The following LRP1B variants were observed in gnomAD, a reference collection of about 807,000 sequenced individuals.
The protein encoded by LRP1B is LDL receptor related protein 1B.
Under a neutral mutation model 556.6 loss-of-function variants are expected in LRP1B, and 217 were observed. The ratio of observed to expected loss-of-function variants is 0.39; its 90% confidence interval spans 0.35 to 0.44. LRP1B has a LOEUF of 0.44. LRP1B is among the 20% of genes least tolerant of loss of function. The pLI, the probability that LRP1B is intolerant of heterozygous loss-of-function variation, is 1.00. For missense variants in LRP1B, 5,053 were observed against 5,620.8 expected, an observed-to-expected ratio of 0.90 and a Z score of 3.23; for synonymous variants, 2,047 against 1,865.8, an observed-to-expected ratio of 1.10 and a Z score of -2.50.
intron 27 of LRP1B, among the ~76,000 whole-genome samples, chr2:140,863,596 GATTT>G (rs1692862695): frequency 6.6e-6 from 1 of 152,104 alleles, no homozygotes; most frequent in African/African-American, 2.4e-5. Context: ...TCTTGTCTCT[GATTT>G]ATTCTTTCCT....
At chr2:141,829,460 C>G (rs889363101) in intron 1 of LRP1B, among the ~76,000 whole-genome samples, 1 of 152,020 alleles carries the variant, frequency 6.6e-6, no homozygotes, top group African/African-American at 2.4e-5. Flanking sequence ...TTGTGTCTAG[C>G]AGCATATTTT....
chr2:140,350,860 T>A lies in LRP1B; in HGVS notation c.11829A>T (p.Pro3943=), dbSNP rs1328274023. 6.2e-7 allele frequency: 1 copy of A among 1,610,206 alleles called. No individual in the cohort carries two copies. Among genetic ancestry groups the A allele is most frequent in the Non-Finnish European group, 8.5e-7 (1 of 1,177,644 alleles). ...GGATCCTTTTGTAGAAAATTCCGCC[T>A]GGATTAAACTGAGTACTCCAAATAA... ...DMIIWSTQFN[P]GGIFYKRIHG... Residue 3943 remains proline, a synonymous_variant, in exon 77 of 91, where the codon CCA becomes CCT. Transcript: ENST00000389484.
chr2:142,106,750 T>G (rs995882467), intron 1 of LRP1B, among the ~76,000 whole-genome samples: 2 of 152,126 alleles, frequency 1.3e-5, no homozygotes, highest in African/African-American at 2.4e-5. Context: ...ATGATGACCT[T>G]GAAAAATCTG....
chr2:142,028,868 T>C (rs970709492), intron 1 of LRP1B, among the ~76,000 whole-genome samples: 6 of 151,968 alleles, frequency 3.9e-5, no homozygotes, highest in Admixed American at 6.6e-5. Flanking sequence ...AAAAGTGTAG[T>C]GGTATTTCAC....
chr2:141,183,816 A>C (rs1351325944), intron 7 of LRP1B, among the ~76,000 whole-genome samples: 2 of 152,040 alleles, frequency 1.3e-5, no homozygotes, highest in Non-Finnish European at 2.9e-5. Context: ...AAGTTCCCCA[A>C]AATATATTTT....
intron 1 of LRP1B, among the ~76,000 whole-genome samples, chr2:142,033,300 C>T (rs1703768930): frequency 6.6e-6 from 1 of 151,608 alleles, no homozygotes; most frequent in South Asian, 2.1e-4. Flanking sequence ...TGAATATTTT[C>T]CTGACTTTCC....
rs897548016 is a variant in LRP1B at position 141,142,997 on chromosome 2, C to T, written c.1013+45424G>A. Among the ~76,000 whole-genome samples, 6 of 141,838 alleles carry T rather than the reference C, an allele frequency of 4.2e-5. 1 individual carries two copies. The South Asian group carries it at 1.4e-3, about 32-fold the overall frequency. The allele number at this position is 141,838 out of a possible 152,430, so 93.1% of individuals were successfully genotyped here. A position where few individuals can be genotyped will look rare whatever the true frequency, so the allele number is the denominator to read the frequency against. On this transcript the variant is annotated intron_variant, in intron 7 of 90. Coordinates refer to ENST00000389484, the MANE Select transcript of LRP1B (RefSeq NM_018557.3). ...AGGCTGGAGTTCAATGGCGCGATCT[C>T]GGCTCACTGCAACCTCCGCCTTCCA...
intron 3 of LRP1B, among the ~76,000 whole-genome samples, chr2:141,427,886 G>A (rs142270795): frequency 1.3e-5 from 2 of 152,254 alleles, no homozygotes; most frequent in Non-Finnish European, 2.9e-5. Context: ...ACAATAGTGA[G>A]TCAAGATGGA....
chr2:140,990,274 T>G (rs1446282477), intron 16 of LRP1B, among the ~76,000 whole-genome samples: 9 of 152,130 alleles, frequency 5.9e-5, no homozygotes. Flanking sequence ...AGACTTCACT[T>G]AAAAATTTTT....
chr2:141,947,180 C>G (rs1242097816), intron 1 of LRP1B, among the ~76,000 whole-genome samples: 1 of 152,058 alleles, frequency 6.6e-6, no homozygotes, highest in Non-Finnish European at 1.5e-5. Context: ...GCCTATAATT[C>G]CAGCACTTTG....
intron 3 of LRP1B, among the ~76,000 whole-genome samples, chr2:141,270,017 G>A (rs192522984): frequency 2.8e-4 from 42 of 152,084 alleles, no homozygotes; most frequent in Non-Finnish European, 5.2e-4. Context: ...GCAACCCATA[G>A]AATGACAGAC....
intron 2 of LRP1B, among the ~76,000 whole-genome samples, chr2:141,505,468 A>G (rs1051381063): frequency 6.6e-6 from 1 of 152,080 alleles, no homozygotes; most frequent in Non-Finnish European, 1.5e-5. Context: ...TATTACACAT[A>G]TGGGCCAAAG....
At chr2:140,640,312 A>G (rs1432598354) in intron 41 of LRP1B, among the ~76,000 whole-genome samples, 1 of 133,676 alleles carries the variant, frequency 7.5e-6, no homozygotes, top group African/African-American at 2.8e-5. Context: ...ATTGTTTAAG[A>G]TTATTTCACT....
chr2:141,227,035 T>TAACAAC (rs201774641), intron 6 of LRP1B, among the ~76,000 whole-genome samples: 7 of 152,070 alleles, frequency 4.6e-5, no homozygotes, highest in Non-Finnish European at 1.0e-4. Flanking sequence ...GTGAATTCCC[T>TAACAAC]AACAACAACA....
At chr2:140,796,966 G>A (rs1573731098) in intron 32 of LRP1B, among the ~76,000 whole-genome samples, 1 of 151,628 alleles carries the variant, frequency 6.6e-6, no homozygotes, top group East Asian at 1.9e-4. Context: ...ATCTTAAGTA[G>A]GACATTCTCA....
chr2:140,725,702 A>C (rs1033843889), intron 35 of LRP1B, among the ~76,000 whole-genome samples: 28 of 151,830 alleles, frequency 1.8e-4, no homozygotes, highest in Admixed American at 2.6e-4. Flanking sequence ...AAAATAAATA[A>C]AAAAATAAAT....
At chr2:141,378,830 C>T (rs1330037975) in intron 3 of LRP1B, among the ~76,000 whole-genome samples, 1 of 152,062 alleles carries the variant, frequency 6.6e-6, no homozygotes, top group African/African-American at 2.4e-5. Flanking sequence ...GTCTGAAGAG[C>T]TGAAAGCCCA....
intron 41 of LRP1B, among the ~76,000 whole-genome samples, chr2:140,617,424 A>G (rs577013280): frequency 6.6e-6 from 1 of 152,102 alleles, no homozygotes; most frequent in South Asian, 2.1e-4. Flanking sequence ...TATGGAAATA[A>G]AAATCAGTGT....
At chr2:141,769,489 A>C (rs907131258) in intron 2 of LRP1B, among the ~76,000 whole-genome samples, 9 of 152,314 alleles carry the variant, frequency 5.9e-5, no homozygotes, top group African/African-American at 1.7e-4. Context: ...GAAATGGTAC[A>C]GGTGTGGTGT....
Sources: allele counts gnomAD v4.1 joint callset (sites outside exome capture counted in the v4.1 genomes callset), GRCh38; gene constraint gnomAD v4.1.1; transcripts MANE v1.5; gene names NCBI Gene and HGNC (gene_info 2026-07-23, HGNC 2026-07-21).